LRRFIP1: variants seen among roughly 807,000 people sequenced by gnomAD.
The protein encoded by LRRFIP1 is leucine-rich repeat flightless-interacting protein 1.
A neutral mutation model predicts 104.4 loss-of-function variants in LRRFIP1; 62 were observed. The observed-to-expected ratio is 0.59, with a 90% CI of 0.48 to 0.73. LRRFIP1 has a LOEUF of 0.73. Ranked by LOEUF, LRRFIP1 falls within the 30% of genes least tolerant of loss-of-function variation. The pLI is 0.00. For missense variants in LRRFIP1, 796 were observed against 824.5 expected, an observed-to-expected ratio of 0.97 and a Z score of 0.42; for synonymous variants, 300 against 299.0, an observed-to-expected ratio of 1.00 and a Z score of -0.03.
At chr2:237,687,793 T>C (rs779603567) in intron 1 of LRRFIP1, among the ~76,000 whole-genome samples, 10 of 152,102 alleles carry the variant, frequency 6.6e-5, no homozygotes, top group Non-Finnish European at 1.2e-4. Flanking sequence ...ATCTGACTAA[T>C]GGGGAGGCTG....
chr2:237,632,838 C>T (rs184274074), intron 1 of LRRFIP1, among the ~76,000 whole-genome samples: 1,623 of 152,178 alleles, frequency 0.011, 34 homozygotes, highest in African/African-American at 0.037. Flanking sequence ...AATGCAGTCC[C>T]TTGCCCTCTG....
At chr2:237,692,224 G>T (rs1559556986) in intron 1 of LRRFIP1, 1 of 1,097,832 alleles carries the variant, frequency 9.1e-7, no homozygotes, top group Non-Finnish European at 1.1e-6. Flanking sequence ...CCCCGAGCCC[G>T]ACTCAGCCCG....
chr2:237,714,363 G>A (rs1187070924), intron 3 of LRRFIP1, 87 bp downstream of exon 3: 9 of 1,024,926 alleles, frequency 8.8e-6, no homozygotes, highest in Non-Finnish European at 1.0e-5. Flanking sequence ...ATAACACCTT[G>A]CACTGAAGAT....
intron 9 of LRRFIP1, among the ~76,000 whole-genome samples, chr2:237,734,658 T>C (rs1005543910): frequency 6.6e-6 from 1 of 152,210 alleles, no homozygotes; most frequent in Non-Finnish European, 1.5e-5. Context: ...CAAACTAGTA[T>C]GTCCTCAAGG....
chr2:237,758,797 A>G lies in LRRFIP1; in HGVS notation c.1293A>G (p.Val431=). The G allele has an allele frequency of 1.2e-6, 2 of 1,612,844 alleles. No homozygotes were observed. Among genetic ancestry groups the G allele is most frequent in the South Asian group, 1.1e-5 (1 of 90,760 alleles). ...RSERDDLREE[V]VMLKEELKKH... ...AACGGGATGATCTTAGAGAAGAAGT[A>G]GTCATGCTGAAAGAGGAATTAAAGG... Residue 431 remains valine (V), a synonymous_variant, in exon 18 of 24, where the codon GTA becomes GTG. Transcript: ENST00000308482.
chr2:237,728,313 C>T (rs1186801476), intron 8 of LRRFIP1, among the ~76,000 whole-genome samples: 2 of 152,228 alleles, frequency 1.3e-5, no homozygotes, highest in Non-Finnish European at 2.9e-5. Flanking sequence ...TTCGCAGTCT[C>T]CACATCTGTC....
chr2:237,731,205 T>C (rs35414441), intron 8 of LRRFIP1, among the ~76,000 whole-genome samples: 16,484 of 152,266 alleles, frequency 0.11, 1,951 homozygotes, highest in African/African-American at 0.3. Context: ...CCATGTATCA[T>C]TGACCTCATT....
chr2:237,638,363 C>G (rs1438308670), intron 1 of LRRFIP1, among the ~76,000 whole-genome samples: 2 of 152,170 alleles, frequency 1.3e-5, no homozygotes, highest in East Asian at 3.9e-4. Flanking sequence ...AGAGGTGGAG[C>G]TCAAGTGGGA....
intron 19 of LRRFIP1, chr2:237,765,910 G>T: frequency 1.0e-6 from 1 of 985,078 alleles, no homozygotes; most frequent in Non-Finnish European, 1.2e-6. Context: ...TTTTATAATT[G>T]TGCAAGCCTG....
intron 1 of LRRFIP1, among the ~76,000 whole-genome samples, chr2:237,702,122 C>T (rs1441799792): frequency 6.6e-6 from 1 of 152,130 alleles, no homozygotes; most frequent in Non-Finnish European, 1.5e-5. Context: ...TTCGGAGGCC[C>T]TGGGGGTCAT....
intron 2 of LRRFIP1, 151 bp downstream of exon 2, chr2:237,708,781 G>A: frequency 1.2e-6 from 1 of 867,454 alleles, no homozygotes; most frequent in Non-Finnish European, 1.9e-6. Context: ...TTCTGCCCAA[G>A]GTCAGGCCAG....
rs143591232 is a variant in LRRFIP1, at chr2:237,765,351, G to C, written c.1460-4592G>C. 1,423 of 414,448 alleles carry C rather than the reference G, an allele frequency of 3.4e-3. 4 individuals carry two copies. Among genetic ancestry groups the C allele is most frequent in the Admixed American group, 8.4e-3 (122 of 14,564 alleles). The allele number at this position is 414,448 out of a possible 1,614,324, so 25.7% of individuals were successfully genotyped here. On this transcript the variant is annotated intron_variant, in intron 19 of 23. Coordinates refer to ENST00000308482, the MANE Select transcript of LRRFIP1 (RefSeq NM_001137550.2). ...ATTGGGAAGCCAAGGTGGGAGGATTGCTTGAGGCCAGGAGTTCAAGGCTGC... is the reference window on the plus strand; with the variant it reads ...ATTGGGAAGCCAAGGTGGGAGGATTCCTTGAGGCCAGGAGTTCAAGGCTGC...
intron 1 of LRRFIP1, among the ~76,000 whole-genome samples, chr2:237,643,440 A>G (rs2084350070): frequency 6.6e-6 from 1 of 152,266 alleles, no homozygotes; most frequent in Non-Finnish European, 1.5e-5. Flanking sequence ...CTGGCTATAC[A>G]GATGGGAGAA....
chr2:237,677,180 T>C (rs920183539), intron 1 of LRRFIP1, among the ~76,000 whole-genome samples: 3 of 152,182 alleles, frequency 2.0e-5, no homozygotes, highest in East Asian at 1.9e-4. Context: ...TCTGCCCCCA[T>C]TAAACGCTGA....
chr2:237,738,442 A>T (rs13420502), intron 10 of LRRFIP1, among the ~76,000 whole-genome samples: 14,540 of 152,236 alleles, frequency 0.096, 1,506 homozygotes, highest in African/African-American at 0.26. Context: ...GAGGCTTGCT[A>T]TATGGTGCTG....
At chr2:237,769,876 T>C in intron 19 of LRRFIP1, 67 bp from the exon 20 acceptor site, 9 of 1,118,718 alleles carry the variant, frequency 8.0e-6, no homozygotes, top group Non-Finnish European at 1.2e-5. Flanking sequence ...CATTCTTCAG[T>C]TTAGCAATGT....
chr2:237,760,916 T>C lies in LRRFIP1; in HGVS notation c.1459+711T>C, dbSNP rs141134169. Among the ~76,000 whole-genome samples the C allele has an allele frequency of 3.5e-4, 53 of 152,286 alleles. No homozygotes were observed. In the East Asian group the frequency reaches 8.3e-3, roughly 24 times the overall value. On this transcript the variant is annotated intron_variant, in intron 19 of 23. Coordinates refer to ENST00000308482, the MANE Select transcript of LRRFIP1 (RefSeq NM_001137550.2). ...TTTTATACCATTTTCAATGATCTGA[T>C]TTGTCATAATTTGTCATAAGAGTTG...
chr2:237,768,734 CATAATT>C (rs1406154797), intron 19 of LRRFIP1: 1 of 152,160 alleles, frequency 6.6e-6, no homozygotes, highest in Non-Finnish European at 1.5e-5. Flanking sequence ...CTTTGGAAAA[CATAATT>C]AGAGAAAAAT....
chr2:237,756,216 C>G, intron 16 of LRRFIP1, 29 bp downstream of exon 16: 1 of 1,556,408 alleles, frequency 6.4e-7, no homozygotes, highest in Non-Finnish European at 8.8e-7. Context: ...CTTTTCTTTT[C>G]CTTTTTTCCC....
Sources: allele counts gnomAD v4.1 joint callset (sites outside exome capture counted in the v4.1 genomes callset), GRCh38; gene constraint gnomAD v4.1.1; transcripts MANE v1.5; gene names NCBI Gene and HGNC (gene_info 2026-07-23, HGNC 2026-07-21).